Variants in L3MBTL1 observed in about 807,000 individuals in gnomAD.
L3MBTL1 encodes the protein lethal(3)malignant brain tumor-like protein 1.
L3MBTL1 carries 75 observed loss-of-function variants against 105.3 expected under a neutral mutation model. The ratio of observed to expected loss-of-function variants is 0.71; its 90% CI spans 0.59 to 0.86. L3MBTL1 has a LOEUF of 0.86. Ranked by LOEUF, L3MBTL1 falls within the 40% of genes least tolerant of loss-of-function variation. The probability of loss-of-function intolerance (pLI) is 0.00; values close to 1 mark genes in which losing one functional copy is unlikely to be tolerated. For missense variants in L3MBTL1, 1,069 were observed against 1,126.4 expected (o/e 0.95, Z 0.73); for synonymous variants, 452 against 436.2 (o/e 1.04, Z -0.45).
At chr20:43,534,464 G>T in intron 15 of L3MBTL1, 70 bp downstream of exon 15, 1 of 1,212,932 alleles carries the variant, frequency 8.2e-7, no homozygotes, top group Non-Finnish European at 1.2e-6. Flanking sequence ...ACTGTTTAGA[G>T]GTCAGGGGCA....
chr20:43,514,421 G>A, intron 3 of L3MBTL1: 2 of 1,458,856 alleles, frequency 1.4e-6, no homozygotes, highest in Non-Finnish European at 1.8e-6. Context: ...TTAGAGTGGG[G>A]CACCCTGGGA....
chr20:43,547,144 G>A (rs574412157), intron 18 of L3MBTL1, among the ~76,000 whole-genome samples: 5 of 129,134 alleles, frequency 3.9e-5, no homozygotes, highest in Non-Finnish European at 7.8e-5. Flanking sequence ...TCGCTCTGTC[G>A]CCCAGGCTGG....
At chr20:43,521,675 CA>C (rs1445726264) in intron 7 of L3MBTL1, among the ~76,000 whole-genome samples, 2 of 152,148 alleles carry the variant, frequency 1.3e-5, no homozygotes, top group African/African-American at 4.8e-5. Context: ...AGGAATTCAT[CA>C]AAAGGGCGTA....
At chr20:43,531,066 G>A (rs1165785750) in intron 11 of L3MBTL1, 177 bp downstream of exon 11, 2 of 599,350 alleles carry the variant, frequency 3.3e-6, no homozygotes, top group Non-Finnish European at 5.9e-6. Flanking sequence ...CCAGAGATGG[G>A]AAGCTGGTTA....
At chr20:43,530,176 C>G in intron 9 of L3MBTL1, 108 bp from the exon 10 acceptor site, 1 of 1,395,632 alleles carries the variant, frequency 7.2e-7, no homozygotes, top group Non-Finnish European at 9.9e-7. Context: ...GGGGAACCTG[C>G]TAGCATTAGA....
At chr20:43,550,887 A>T (rs1300278419) in exon 19 of L3MBTL1, 1 of 152,250 alleles carries the variant, frequency 6.6e-6, no homozygotes, top group Non-Finnish European at 1.5e-5. Flanking sequence ...AAAAAGTTAC[A>T]AACAAAATGT....
In L3MBTL1 at chr20:43,515,038, C is replaced by T. The variant is rs2018307858; in HGVS notation, c.532C>T (p.Pro178Ser). The T allele has an allele frequency of 3.7e-6, 6 of 1,614,070 alleles. No individual in the cohort carries two copies. The highest frequency in any genetic ancestry group is 5.1e-6 in the Non-Finnish European group (6 of 1,179,944). Reference protein sequence around the residue: ...EDHPQNPPEDPNQDPPEDDST... With the variant: ...EDHPQNPPEDSNQDPPEDDST... ...CCACCCCCAGAATCCTCCAGAAGATCCCAATCAGGACCCCCCAGAGGATGA... is the reference window on the plus strand; with the variant it reads ...CCACCCCCAGAATCCTCCAGAAGATTCCAATCAGGACCCCCCAGAGGATGA... Residue 178 changes from proline to serine, a missense_variant, in exon 5 of 22, where the codon CCC (proline) becomes TCC (serine). Transcript: ENST00000418998.
chr20:43,524,509 T>C (rs1248618027), intron 7 of L3MBTL1, among the ~76,000 whole-genome samples: 3 of 152,172 alleles, frequency 2.0e-5, no homozygotes, highest in Non-Finnish European at 4.4e-5. Flanking sequence ...ATAAGTGTTA[T>C]GTTTGAGGTA....
At chr20:43,533,480 AC>A (rs1472318844) in intron 13 of L3MBTL1, 62 bp downstream of exon 13, 2 of 1,422,772 alleles carry the variant, frequency 1.4e-6, no homozygotes, top group Admixed American at 3.7e-5. Flanking sequence ...CTCTCCACTG[AC>A]CCCTCACCAG....
In L3MBTL1 at chr20:43,535,840, C is replaced by A. The variant is rs781366902; in HGVS notation, c.1829C>A (p.Pro610His). 8.2e-6 allele frequency: 13 copies of A among 1,587,816 alleles called. No homozygotes were observed. The highest frequency in any genetic ancestry group is 9.4e-6 in the Non-Finnish European group (11 of 1,168,656). ...CGCCTCCTTTCTGCTCTTTTAGGAC[C>A]CAGAGAGCCCAGCTCTGCCTCCCCT... is the stretch of plus-strand genomic sequence containing the variant. ...TGHPLQPPLG[P>H]REPSSASPGG... Residue 610 changes from proline (P) to histidine (H), a missense_variant, in exon 17 of 22, where the codon CCC becomes CAC. Transcript: ENST00000418998.
intron 19 of L3MBTL1, chr20:43,539,689 A>G (rs2019806624): frequency 7.8e-6 from 2 of 255,908 alleles, no homozygotes; most frequent in African/African-American, 4.5e-5. Flanking sequence ...ATTCTGAAGC[A>G]GAATCACCCT....
chr20:43,532,164 G>A (rs563729084), intron 11 of L3MBTL1: 4 of 152,498 alleles, frequency 2.6e-5, no homozygotes, highest in African/African-American at 9.6e-5. Context: ...AAGTTCCCAG[G>A]TGACAGGTGG....
chr20:43,523,907 A>C (rs2018870766), intron 7 of L3MBTL1, among the ~76,000 whole-genome samples: 1 of 151,234 alleles, frequency 6.6e-6, no homozygotes, highest in Non-Finnish European at 1.5e-5. Flanking sequence ...AGGCAGGATA[A>C]TCACTTGAAC....
chr20:43,515,394 G>A lies in L3MBTL1; in HGVS notation c.756G>A (p.Glu252=), dbSNP rs1195284149. 1 of 1,558,262 alleles carries A rather than the reference G, an allele frequency of 6.4e-7. No individual in the cohort carries two copies. Among genetic ancestry groups the A allele is most frequent in the African/African-American group, 1.4e-5 (1 of 73,784 alleles). Residue 252 remains glutamate, a synonymous_variant, in exon 6 of 22, where the codon GAG becomes GAA. Coordinates refer to ENST00000418998, the MANE Select transcript of L3MBTL1 (RefSeq NM_001377303.1). ...KRREYQSPSE[E]ESEPEAMEKQ... The stretch of plus-strand genomic sequence containing the variant: ...GGGAATACCAGAGCCCATCAGAGGA[G>A]GAGTCGGAGCCAGAGGCCATGGTAG...
chr20:43,540,284 A>G lies in L3MBTL1; in HGVS notation c.2307A>G (p.Thr769=), dbSNP rs1211188030. ...GAGTAGCGGGCATCTCAGCCTCGAC[A>G]GTCGCCAAGTGGACCATCGATGAGG... ...LPGVAGISAS[T]VAKWTIDEVF... Residue 769 remains threonine (T), a synonymous_variant, in exon 20 of 22, where the codon ACA becomes ACG. Transcript: ENST00000418998. The G allele has an allele frequency of 1.2e-6, 2 of 1,613,788 alleles. No individual in the cohort carries two copies. The highest frequency in any genetic ancestry group is 8.5e-7 in the Non-Finnish European group (1 of 1,180,012).
chr20:43,521,312 T>C (rs1418834245), intron 7 of L3MBTL1, among the ~76,000 whole-genome samples: 1 of 152,192 alleles, frequency 6.6e-6, no homozygotes, highest in Non-Finnish European at 1.5e-5. Context: ...GTAGACATTG[T>C]AGTGAAAGGT....
intron 18 of L3MBTL1, chr20:43,548,085 T>C (rs1978745270): frequency 7.7e-7 from 1 of 1,302,874 alleles, no homozygotes; most frequent in African/African-American, 1.5e-5. Flanking sequence ...TTCTCCACTT[T>C]CCACCTCCCT....
chr20:43,516,012 A>C, intron 6 of L3MBTL1, 81 bp from the exon 7 acceptor site: 1 of 1,068,478 alleles, frequency 9.4e-7, no homozygotes, highest in South Asian at 1.3e-5. Flanking sequence ...CCAGAGAGCC[A>C]GGTAGGGGCC....
chr20:43,548,089 C>T (rs1038612047), intron 18 of L3MBTL1: 2 of 1,303,272 alleles, frequency 1.5e-6, no homozygotes, highest in African/African-American at 1.5e-5. Context: ...CCACTTTCCA[C>T]CTCCCTCCCG....
Sources: allele counts gnomAD v4.1 joint callset (sites outside exome capture counted in the v4.1 genomes callset), GRCh38; gene constraint gnomAD v4.1.1; transcripts MANE v1.5; gene names NCBI Gene and HGNC (gene_info 2026-07-23, HGNC 2026-07-21).